Variants in MAP2K5 observed in about 807,000 individuals in gnomAD.
MAP2K5 encodes mitogen-activated protein kinase kinase 5.
MAP2K5 carries 49 observed loss-of-function variants against 83.1 expected under a neutral mutation model. The ratio of observed to expected loss-of-function variants is 0.59; its 90% CI spans 0.47 to 0.75. The LOEUF is 0.75. MAP2K5 is among the 30% of genes least tolerant of loss of function. MAP2K5 has a pLI of 0.00. For missense variants in MAP2K5, 457 were observed against 557.5 expected, an observed-to-expected ratio of 0.82 and a Z score of 1.82; for synonymous variants, 202 against 191.8, an observed-to-expected ratio of 1.05 and a Z score of -0.44.
At position 67,731,521 on chromosome 15, in the gene MAP2K5, A is replaced by G. The variant is rs532778291; in HGVS notation, c.1074+3576A>G. Among the ~76,000 whole-genome samples the G allele has an allele frequency of 8.5e-5, 13 of 152,282 alleles. No individual in the cohort carries two copies. The South Asian group carries it at 1.9e-3, about 22-fold the overall frequency. On this transcript the variant is annotated intron_variant, in intron 17 of 21. Transcript: ENST00000178640. ...CAGTTTAGGGTTCTAAAGAAAAAAA[A>G]CATGAGGAGCACAGTCTTATTACTA...
rs1030902033 is a variant in MAP2K5 at position 67,736,022 on chromosome 15, C to T, written c.1074+8077C>T. Among the ~76,000 whole-genome samples the T allele has an allele frequency of 6.6e-6, 1 of 152,170 alleles. No individual in the cohort carries two copies. Among genetic ancestry groups the T allele is most frequent in the Admixed American group, 6.5e-5 (1 of 15,280 alleles). On this transcript the variant is annotated intron_variant, in intron 17 of 21. Transcript: ENST00000178640. The surrounding 1 kb of genome is among the most constrained non-coding windows in gnomAD (Gnocchi z 4.3). ...CAGCATATTATATTTGGTGTTGTTC[C>T]GGTACTTTAACAGTACTACCATTGT...
intron 21 of MAP2K5, among the ~76,000 whole-genome samples, chr15:67,800,343 A>G (rs1238602367): frequency 6.6e-6 from 1 of 152,180 alleles, no homozygotes; most frequent in Non-Finnish European, 1.5e-5. Context: ...ATTAGTATCC[A>G]TTGTAGACAC....
At chr15:67,799,125 C>T (rs1231275242) in intron 21 of MAP2K5, among the ~76,000 whole-genome samples, 4 of 152,220 alleles carry the variant, frequency 2.6e-5, no homozygotes, top group Admixed American at 6.5e-5. Flanking sequence ...GCCGAGATCG[C>T]GCCACTGCCC....
chr15:67,735,930 T>C (rs2089330071), intron 17 of MAP2K5, among the ~76,000 whole-genome samples: 2 of 152,100 alleles, frequency 1.3e-5, no homozygotes, highest in Non-Finnish European at 2.9e-5. Flanking sequence ...GCAAGAAGCA[T>C]GGGAAAGGAT....
intron 19 of MAP2K5, among the ~76,000 whole-genome samples, chr15:67,765,261 A>C (rs907991604): frequency 1.3e-5 from 2 of 152,256 alleles, no homozygotes; most frequent in African/African-American, 4.8e-5. Context: ...CGGGAGGCTA[A>C]GGCAGGAGAA....
intron 17 of MAP2K5, among the ~76,000 whole-genome samples, chr15:67,741,027 CAAA>C (rs34516294): frequency 1.6e-5 from 1 of 63,124 alleles, no homozygotes; most frequent in Non-Finnish European, 3.4e-5. Context: ...GACTCCGTCT[CAAA>C]AAAAAAAAAA....
chr15:67,733,415 A>G (rs1304391500), intron 17 of MAP2K5, among the ~76,000 whole-genome samples: 1 of 152,264 alleles, frequency 6.6e-6, no homozygotes, highest in Non-Finnish European at 1.5e-5. Flanking sequence ...AAAAGATAAG[A>G]GAAATAGTGA....
intron 2 of MAP2K5, among the ~76,000 whole-genome samples, chr15:67,553,370 C>G (rs891813589): frequency 2.0e-5 from 3 of 152,222 alleles, no homozygotes; most frequent in African/African-American, 7.2e-5. Context: ...ATATCATGCT[C>G]TTTCTTTTGC....
chr15:67,729,326 A>G (rs1364061953), intron 17 of MAP2K5, among the ~76,000 whole-genome samples: 2 of 152,322 alleles, frequency 1.3e-5, no homozygotes, highest in East Asian at 1.9e-4. Context: ...CACAAGCCCT[A>G]TGCAGTATAT....
chr15:67,569,919 T>G (rs2084917334), intron 3 of MAP2K5, among the ~76,000 whole-genome samples: 1 of 152,232 alleles, frequency 6.6e-6, no homozygotes, highest in South Asian at 2.1e-4. Context: ...TCCTGTTTTA[T>G]TTAAGTGGCA....
At chr15:67,682,802 C>T (rs1389567993) in intron 13 of MAP2K5, among the ~76,000 whole-genome samples, 2 of 151,382 alleles carry the variant, frequency 1.3e-5, no homozygotes, top group East Asian at 3.9e-4. Context: ...CACTGCACTC[C>T]AGCCTGGGTG....
Position 67,550,093 on chromosome 15 carries a change from C to CTT in MAP2K5, c.184+12_184+13dup, listed in dbSNP as rs752436867. The CTT allele has an allele frequency of 1.4e-5, 23 of 1,611,598 alleles. No homozygotes were observed. The Admixed American group carries it at 3.8e-4, about 27-fold the overall frequency. ...CTACAGCATTTGAATGTAAGTCTGGCTTGTATACTTTCTTGACTATTCCTT... is the reference window on the plus strand; with the variant it reads ...CTACAGCATTTGAATGTAAGTCTGGCTTTTGTATACTTTCTTGACTATTCCTT... On this transcript the variant is annotated intron_variant, in intron 2 of 21. Coordinates refer to ENST00000178640, the MANE Select transcript of MAP2K5 (RefSeq NM_145160.3).
chr15:67,804,279 G>C (rs1467846304), intron 21 of MAP2K5, among the ~76,000 whole-genome samples: 1 of 152,198 alleles, frequency 6.6e-6, no homozygotes, highest in African/African-American at 2.4e-5. Context: ...TAGGACGCTG[G>C]GTCCCCTCCA....
chr15:67,729,553 G>A (rs1278164329), intron 17 of MAP2K5, among the ~76,000 whole-genome samples: 3 of 151,942 alleles, frequency 2.0e-5, no homozygotes, highest in Non-Finnish European at 4.4e-5. Flanking sequence ...GGCGGATCAC[G>A]AGGTCAGGAG....
intron 11 of MAP2K5, among the ~76,000 whole-genome samples, chr15:67,657,235 T>A (rs955731995): frequency 6.6e-6 from 1 of 152,150 alleles, no homozygotes; most frequent in Admixed American, 6.5e-5. Context: ...TAGGCCCTGA[T>A]TTATATCCTT....
At chr15:67,795,461 T>C (rs1437070163) in intron 21 of MAP2K5, among the ~76,000 whole-genome samples, 1 of 152,266 alleles carries the variant, frequency 6.6e-6, no homozygotes, top group African/African-American at 2.4e-5. Context: ...TAATTTTCAA[T>C]TTCAATTAGG....
intron 16 of MAP2K5, among the ~76,000 whole-genome samples, chr15:67,725,797 G>A (rs956320242): frequency 3.3e-5 from 5 of 152,180 alleles, no homozygotes; most frequent in Non-Finnish European, 7.3e-5. Context: ...CACCACAGTA[G>A]ACCATAGTAA....
chr15:67,643,456 A>T (rs913489197), intron 9 of MAP2K5, among the ~76,000 whole-genome samples: 2 of 149,152 alleles, frequency 1.3e-5, no homozygotes, highest in Non-Finnish European at 3.0e-5. Context: ...AAACTCTTTT[A>T]TTTTTTTTGA....
chr15:67,617,754 C>A lies in MAP2K5; in HGVS notation c.546-13134C>A, dbSNP rs538055234. 3.3e-5 allele frequency among the ~76,000 whole-genome samples: 5 copies of A among 152,120 alleles called. No individual in the cohort carries two copies. In the South Asian group the frequency reaches 1.0e-3, roughly 31 times the overall value. ...TCACCTAGGCTGGAGTGCAGTGATACGATCATGGCTTACTGTAGCATCAAC... is the reference window on the plus strand; with the variant it reads ...TCACCTAGGCTGGAGTGCAGTGATAAGATCATGGCTTACTGTAGCATCAAC... On this transcript the variant is annotated intron_variant, in intron 8 of 21. Transcript: ENST00000178640.
Sources: allele counts gnomAD v4.1 joint callset (sites outside exome capture counted in the v4.1 genomes callset), GRCh38; gene constraint gnomAD v4.1.1; non-coding constraint Gnocchi (gnomAD v3.1); transcripts MANE v1.5; gene names NCBI Gene and HGNC (gene_info 2026-07-23, HGNC 2026-07-21).